SHQ1: variants seen among roughly 807,000 people sequenced by gnomAD.
SHQ1 encodes protein SHQ1 homolog.
Under a neutral mutation model 53.8 loss-of-function variants are expected in SHQ1, and 49 were observed. The ratio of observed to expected loss-of-function variants is 0.91; its 90% confidence interval spans 0.72 to 1.16. The LOEUF is 1.16. SHQ1 is among the 50% of genes most tolerant of loss of function. The pLI is 0.00. For synonymous variants in SHQ1, 243 were observed against 251.0 expected (o/e 0.97, Z 0.30); for missense variants, 738 against 683.1 (o/e 1.08, Z -0.90).
At chr3:72,806,606 T>C (rs1448711062) in intron 9 of SHQ1, among the ~76,000 whole-genome samples, 1 of 152,186 alleles carries the variant, frequency 6.6e-6, no homozygotes, top group African/African-American at 2.4e-5. Context: ...TATCAACTAG[T>C]TTTAGAGGCT....
Position 72,846,102 on chromosome 3 carries a change from G to A in SHQ1, c.144-1679C>T. Reference sequence around the variant, plus strand: ...TGATAATGCAAAGAGCTTAGTGGCCGGCACAACAGGTGAGCATTCAGAAAA... The same window carrying A: ...TGATAATGCAAAGAGCTTAGTGGCCAGCACAACAGGTGAGCATTCAGAAAA... On this transcript the variant is annotated intron_variant, in intron 1 of 10. Transcript: ENST00000325599. The A allele has an allele frequency of 1.5e-5, 16 of 1,037,402 alleles. 1 individual carries two copies. The highest frequency in any genetic ancestry group is 9.7e-5 in the South Asian group (7 of 71,836). The allele number at this position is 1,037,402 out of a possible 1,614,324, so 64.3% of individuals were successfully genotyped here.
At chr3:72,842,851 G>A (rs866937632) in intron 2 of SHQ1, among the ~76,000 whole-genome samples, 19 of 151,974 alleles carry the variant, frequency 1.3e-4, no homozygotes, top group Admixed American at 5.9e-4. Context: ...CGAGGCAGGC[G>A]GATCATGAGG....
intron 9 of SHQ1, among the ~76,000 whole-genome samples, chr3:72,802,887 C>A (rs1385039960): frequency 6.6e-6 from 1 of 152,162 alleles, no homozygotes; most frequent in East Asian, 1.9e-4. Context: ...AAAAGAGAGG[C>A]AGGGGATCCA....
chr3:72,825,003 C>T (rs1271879706), intron 5 of SHQ1, among the ~76,000 whole-genome samples: 1 of 151,958 alleles, frequency 6.6e-6, no homozygotes, highest in East Asian at 1.9e-4. Context: ...GTCTTGCTTC[C>T]TTGCCCAGAC....
chr3:72,842,519 A>G, intron 2 of SHQ1, 117 bp from the exon 3 acceptor site: 1 of 847,942 alleles, frequency 1.2e-6, no homozygotes, highest in Non-Finnish European at 1.8e-6. Context: ...ATTTTAGCCC[A>G]GGAGTTCAAG....
chr3:72,758,004 T>C (rs1004366507), intron 10 of SHQ1, among the ~76,000 whole-genome samples: 1 of 152,226 alleles, frequency 6.6e-6, no homozygotes, highest in African/African-American at 2.4e-5. Flanking sequence ...GCTTTTATGA[T>C]AATGACATAT....
intron 10 of SHQ1, among the ~76,000 whole-genome samples, chr3:72,758,567 CTTTTTTT>C (rs869225766): frequency 4.8e-4 from 60 of 126,140 alleles, no homozygotes; most frequent in African/African-American, 1.6e-3. Flanking sequence ...ACTATTTTTT[CTTTTTTT>C]TTTTTTTTTT....
chr3:72,808,168 G>A (rs979448376), intron 9 of SHQ1, among the ~76,000 whole-genome samples: 2 of 152,054 alleles, frequency 1.3e-5, no homozygotes, highest in African/African-American at 4.8e-5. Context: ...TGGTAGTATG[G>A]TGGTTAAGAG....
downstream of SHQ1, among the ~76,000 whole-genome samples, chr3:72,748,084 T>G (rs1705287351): frequency 6.6e-6 from 1 of 151,714 alleles, no homozygotes; most frequent in Non-Finnish European, 1.5e-5. Context: ...GAAAAACTCA[T>G]AATTCATAAG....
At chr3:72,759,885 A>G (rs1439550443) in intron 10 of SHQ1, among the ~76,000 whole-genome samples, 1 of 152,276 alleles carries the variant, frequency 6.6e-6, no homozygotes, top group Non-Finnish European at 1.5e-5. Context: ...ATTATATTAC[A>G]GCACCATCTA....
In SHQ1 at chr3:72,841,066, T is replaced by C; in HGVS notation, c.465A>G (p.Ser155=). ...QCHYGFGNLR[S]GVLQRLQDEL... ...ATACCTGTAACCGTTGCAACACTCCTGATCGTAAGTTTCCAAATCCATAGT... is the reference window on the plus strand; with the variant it reads ...ATACCTGTAACCGTTGCAACACTCCCGATCGTAAGTTTCCAAATCCATAGT... Residue 155 remains serine, a synonymous_variant, in exon 4 of 11, where the codon TCA becomes TCG. Coordinates refer to ENST00000325599, the MANE Select transcript of SHQ1 (RefSeq NM_018130.3). The C allele has an allele frequency of 6.2e-7, 1 of 1,613,746 alleles. No individual in the cohort carries two copies. The highest frequency in any genetic ancestry group is 8.5e-7 in the Non-Finnish European group (1 of 1,179,908).
chr3:72,742,462 TAAGAG>T, the SHQ1 span, among the ~76,000 whole-genome samples: 4 of 152,148 alleles, frequency 2.6e-5, no homozygotes, highest in Non-Finnish European at 5.9e-5. Flanking sequence ...GACCTCATGT[TAAGAG>T]AAAGAAGGAT....
chr3:72,734,864 T>C, the SHQ1 span, among the ~76,000 whole-genome samples: 3 of 151,656 alleles, frequency 2.0e-5, no homozygotes, highest in African/African-American at 7.3e-5. Context: ...AGAGGAATTC[T>C]ACATTTTCAC....
chr3:72,840,242 T>TAAAA (rs71623990), intron 4 of SHQ1, among the ~76,000 whole-genome samples: 2 of 93,584 alleles, frequency 2.1e-5, no homozygotes, highest in African/African-American at 4.5e-5. Flanking sequence ...GACTCTGTCT[T>TAAAA]AAAAAAAAAA....
At chr3:72,823,827 A>G (rs1010724751) in intron 6 of SHQ1, among the ~76,000 whole-genome samples, 1 of 152,222 alleles carries the variant, frequency 6.6e-6, no homozygotes, top group Non-Finnish European at 1.5e-5. Context: ...CAGAATGTAC[A>G]TATATATGTA....
At chr3:72,785,332 C>T (rs1706196015) in intron 10 of SHQ1, among the ~76,000 whole-genome samples, 1 of 152,200 alleles carries the variant, frequency 6.6e-6, no homozygotes, top group Non-Finnish European at 1.5e-5. Context: ...GAGTGAGTTT[C>T]TCTTATGGGA....
intron 6 of SHQ1, among the ~76,000 whole-genome samples, chr3:72,818,161 G>A (rs1218807419): frequency 6.6e-6 from 1 of 151,812 alleles, no homozygotes; most frequent in Non-Finnish European, 1.5e-5. Context: ...AAATAACTAG[G>A]TCATTTTTCT....
intron 10 of SHQ1, among the ~76,000 whole-genome samples, chr3:72,757,943 T>C (rs1295353921): frequency 6.6e-6 from 1 of 152,188 alleles, no homozygotes; most frequent in Non-Finnish European, 1.5e-5. Flanking sequence ...TTTACCTATA[T>C]AACAAACCTG....
At chr3:72,737,046 G>A in the SHQ1 span, among the ~76,000 whole-genome samples, 2 of 151,998 alleles carry the variant, frequency 1.3e-5, no homozygotes, top group Non-Finnish European at 2.9e-5. Context: ...GAGGTGGGTG[G>A]ATTGCCTAAG....
Sources: allele counts gnomAD v4.1 joint callset (sites outside exome capture counted in the v4.1 genomes callset), GRCh38; gene constraint gnomAD v4.1.1; transcripts MANE v1.5; gene names NCBI Gene and HGNC (gene_info 2026-07-23, HGNC 2026-07-21).